The following SGMS1 variants were observed in gnomAD, a reference collection of about 807,000 sequenced individuals.
The protein encoded by SGMS1 is phosphatidylcholine:ceramide cholinephosphotransferase 1.
SGMS1 carries 13 observed loss-of-function variants against 46.2 expected under a neutral mutation model. The ratio of observed to expected loss-of-function variants is 0.28; its 90% CI spans 0.18 to 0.45. SGMS1 has a LOEUF of 0.45. Ranked by LOEUF, SGMS1 falls within the 20% of genes least tolerant of loss-of-function variation. The pLI, the probability that SGMS1 is intolerant of heterozygous loss-of-function variation, is 1.00. For synonymous variants in SGMS1, 203 were observed against 187.8 expected (o/e 1.08, Z -0.66); for missense variants, 324 against 519.9 (o/e 0.62, Z 3.66).
At position 50,477,603 on chromosome 10, in the gene SGMS1, C is replaced by G. The variant is rs957824609; in HGVS notation, c.-497-10671G>C. Among the ~76,000 whole-genome samples, 72 of 152,070 alleles carry G rather than the reference C, an allele frequency of 4.7e-4. 1 individual carries two copies. The highest frequency in any genetic ancestry group is 1.9e-4 in the Non-Finnish European group (13 of 68,026). On this transcript the variant is annotated intron_variant, in intron 3 of 10. Transcript: ENST00000361781. The stretch of plus-strand genomic sequence containing the variant: ...GAATGATATGCTTTGGCTATGTGTC[C>G]CCACCCAAATCTCATGCTGAATTTT...
chr10:50,414,096 A>G (rs1849136073), intron 6 of SGMS1, among the ~76,000 whole-genome samples: 1 of 152,210 alleles, frequency 6.6e-6, no homozygotes, highest in East Asian at 1.9e-4. Context: ...CAGTTACTAG[A>G]CACTCTCCAA....
intron 8 of SGMS1, among the ~76,000 whole-genome samples, chr10:50,314,740 T>C (rs1356472105): frequency 6.6e-6 from 1 of 151,790 alleles, no homozygotes; most frequent in African/African-American, 2.4e-5. Context: ...CTGGGCAACA[T>C]GGCGAGACTG....
intron 7 of SGMS1, among the ~76,000 whole-genome samples, chr10:50,332,497 T>C (rs530803277): frequency 1.3e-5 from 2 of 152,198 alleles, no homozygotes; most frequent in Non-Finnish European, 2.9e-5. Flanking sequence ...CCAAAGAAAT[T>C]CTAAAACCTG....
At chr10:50,594,275 C>T (rs1008878197) in intron 1 of SGMS1, among the ~76,000 whole-genome samples, 1 of 152,224 alleles carries the variant, frequency 6.6e-6, no homozygotes, top group African/African-American at 2.4e-5. Context: ...CAGCCAACAC[C>T]ACACACTGCC....
intron 1 of SGMS1, among the ~76,000 whole-genome samples, chr10:50,591,913 A>G (rs544848598): frequency 6.6e-6 from 1 of 152,330 alleles, no homozygotes; most frequent in South Asian, 2.1e-4. Context: ...AGCAGTATCA[A>G]TGACTAACAC....
At chr10:50,574,027 A>G (rs1231567633) in intron 2 of SGMS1, among the ~76,000 whole-genome samples, 2 of 152,194 alleles carry the variant, frequency 1.3e-5, no homozygotes. Flanking sequence ...TTTACTCAAA[A>G]TGGATTAAGG....
chr10:50,453,461 A>G (rs959143277), intron 5 of SGMS1, among the ~76,000 whole-genome samples: 13 of 151,360 alleles, frequency 8.6e-5, no homozygotes, highest in African/African-American at 2.7e-4. Flanking sequence ...AATCCCTGTC[A>G]TCAAGGACGG....
chr10:50,608,998 T>G (rs1004877390), intron 1 of SGMS1, among the ~76,000 whole-genome samples: 2 of 152,186 alleles, frequency 1.3e-5, no homozygotes, highest in Admixed American at 1.3e-4. Flanking sequence ...GTTTTTTGTT[T>G]TTTTGACACA....
intron 3 of SGMS1, among the ~76,000 whole-genome samples, chr10:50,493,355 A>G (rs1837582758): frequency 6.6e-6 from 1 of 152,204 alleles, no homozygotes; most frequent in Non-Finnish European, 1.5e-5. Context: ...ACCCAAAACT[A>G]GAAAAGCCCT....
chr10:50,537,149 T>C (rs1476823142), intron 2 of SGMS1, among the ~76,000 whole-genome samples: 5 of 152,246 alleles, frequency 3.3e-5, no homozygotes, highest in Non-Finnish European at 7.3e-5. Context: ...GAATGACTGA[T>C]ACATATCAAT....
intron 3 of SGMS1, among the ~76,000 whole-genome samples, chr10:50,481,394 C>G (rs1837475735): frequency 6.6e-6 from 1 of 152,194 alleles, no homozygotes; most frequent in African/African-American, 2.4e-5. Context: ...GTGGGAGGGA[C>G]TGAGGCAAAT....
Position 50,307,895 on chromosome 10 carries a change from A to G in SGMS1, c.1062+87T>C, listed in dbSNP as rs1847199396. 2.3e-6 allele frequency: 3 copies of G among 1,298,320 alleles called. No homozygotes were observed. The highest frequency in any genetic ancestry group is 3.3e-6 in the Non-Finnish European group (3 of 919,842). The allele number at this position is 1,298,320 out of a possible 1,614,324, so 80.4% of individuals were successfully genotyped here. A position where few individuals can be genotyped will look rare whatever the true frequency, so the allele number is the denominator to read the frequency against. On this transcript the variant is annotated intron_variant, in intron 10 of 10. Coordinates refer to ENST00000361781, the MANE Select transcript of SGMS1 (RefSeq NM_147156.4). This position sits in a 1 kb window ranked among gnomAD's most constrained non-coding sequence, Gnocchi z 4.2. ...ACTACTTAAGAAAGAGAAACTTCAG[A>G]CATCCACAGGTTCTTTGCACCCTGT...
intron 7 of SGMS1, among the ~76,000 whole-genome samples, chr10:50,332,140 A>G (rs1847633699): frequency 6.6e-6 from 1 of 152,146 alleles, no homozygotes; most frequent in African/African-American, 2.4e-5. Context: ...CTGAGGCCCT[A>G]TATCTGGCTA....
chr10:50,504,208 T>C (rs1458098964), intron 3 of SGMS1, among the ~76,000 whole-genome samples: 1 of 152,186 alleles, frequency 6.6e-6, no homozygotes, highest in African/African-American at 2.4e-5. Flanking sequence ...GTCATCACCC[T>C]ACCTACCTCA....
At position 50,623,535 on chromosome 10, in the gene SGMS1, G is replaced by A. The variant is rs920675304; in HGVS notation, c.-684+172C>T. The A allele has an allele frequency of 1.9e-4, 180 of 972,218 alleles. No homozygotes were observed. The South Asian group carries it at 3.6e-3, about 19-fold the overall frequency. 60.2% of individuals were successfully genotyped at this position (972,218 alleles called of 1,614,324 possible). A position where few individuals can be genotyped will look rare whatever the true frequency, so the allele number is the denominator to read the frequency against. ...GACCACCCACGGGAGCAGCAGCTCT[G>A]GAGGACTGCCCGCCAGGTACGCGCG... On this transcript the variant is annotated intron_variant, in intron 1 of 10. Coordinates refer to ENST00000361781, the MANE Select transcript of SGMS1 (RefSeq NM_147156.4).
At position 50,307,929 on chromosome 10, in the gene SGMS1, G is replaced by C; in HGVS notation, c.1062+53C>G. ...GGTTCTTTGCACCCTGTCCAAGCCAGCAACATCAAGCCAGAAACAACAGAA... is the reference window on the plus strand; with the variant it reads ...GGTTCTTTGCACCCTGTCCAAGCCACCAACATCAAGCCAGAAACAACAGAA... On this transcript the variant is annotated intron_variant, in intron 10 of 10. Coordinates refer to ENST00000361781, the MANE Select transcript of SGMS1 (RefSeq NM_147156.4). This position sits in a 1 kb window ranked among gnomAD's most constrained non-coding sequence, Gnocchi z 4.2. The C allele has an allele frequency of 1.9e-6, 3 of 1,598,656 alleles. No homozygotes were observed. The highest frequency in any genetic ancestry group is 2.6e-6 in the Non-Finnish European group (3 of 1,169,632).
At chr10:50,600,381 A>G (rs946767816) in intron 1 of SGMS1, among the ~76,000 whole-genome samples, 1 of 152,218 alleles carries the variant, frequency 6.6e-6, no homozygotes, top group East Asian at 1.9e-4. Context: ...AAATGGGGAC[A>G]ATCACATTCT....
chr10:50,453,868 A>AGGGG (rs1837153956), intron 5 of SGMS1, among the ~76,000 whole-genome samples: 1 of 100,048 alleles, frequency 1.0e-5, no homozygotes, highest in African/African-American at 4.1e-5. Flanking sequence ...GGAGGGAGGA[A>AGGGG]GGAAGGAAGG....
intron 3 of SGMS1, among the ~76,000 whole-genome samples, chr10:50,486,717 T>C (rs972262898): frequency 2.0e-5 from 3 of 152,252 alleles, no homozygotes; most frequent in Admixed American, 6.5e-5. Flanking sequence ...GATGGGAATG[T>C]AAATTCATTC....
Sources: allele counts gnomAD v4.1 joint callset (sites outside exome capture counted in the v4.1 genomes callset), GRCh38; gene constraint gnomAD v4.1.1; non-coding constraint Gnocchi (gnomAD v3.1); transcripts MANE v1.5; gene names NCBI Gene and HGNC (gene_info 2026-07-23, HGNC 2026-07-21).